The following TEC variants were observed in gnomAD, a reference collection of about 807,000 sequenced individuals.
TEC encodes tec protein tyrosine kinase.
A neutral mutation model predicts 93.0 loss-of-function variants in TEC; 72 were observed. The observed-to-expected ratio is 0.77, with a 90% CI of 0.64 to 0.94. The LOEUF (loss-of-function observed/expected upper bound fraction) is 0.94, where lower values mean the gene tolerates loss of function less well. Ranked by LOEUF, TEC falls within the 40% of genes least tolerant of loss-of-function variation. The pLI, the probability that TEC is intolerant of heterozygous loss-of-function variation, is 0.00. For missense variants in TEC, 630 were observed against 757.9 expected, an observed-to-expected ratio of 0.83 and a Z score of 1.98; for synonymous variants, 249 against 247.7, an observed-to-expected ratio of 1.01 and a Z score of -0.05.
chr4:48,176,234 AAATT>A (rs759023055), intron 2 of TEC, 48 bp from the exon 3 acceptor site: 65 of 1,418,750 alleles, frequency 4.6e-5, no homozygotes, highest in Non-Finnish European at 5.6e-5. Context: ...AGACATAAAA[AAATT>A]AACAGTAATA....
intron 2 of TEC, among the ~76,000 whole-genome samples, chr4:48,177,949 C>T (rs1721400518): frequency 6.6e-6 from 1 of 152,174 alleles, no homozygotes; most frequent in Non-Finnish European, 1.5e-5. Context: ...CCTGAGGCCT[C>T]CCGAGTCATT....
At chr4:48,208,503 C>T (rs969910040) in intron 2 of TEC, among the ~76,000 whole-genome samples, 3 of 152,082 alleles carry the variant, frequency 2.0e-5, no homozygotes, top group Non-Finnish European at 2.9e-5. Flanking sequence ...TGGCCTCCTC[C>T]CCTCCCATGC....
At chr4:48,209,487 G>A (rs192902447) in intron 2 of TEC, among the ~76,000 whole-genome samples, 3 of 151,638 alleles carry the variant, frequency 2.0e-5, no homozygotes, top group East Asian at 3.9e-4. Context: ...GGTAGCAAAC[G>A]CCTGTATCCC....
At chr4:48,184,515 T>G (rs532392791) in intron 2 of TEC, among the ~76,000 whole-genome samples, 8 of 152,324 alleles carry the variant, frequency 5.3e-5, no homozygotes, top group Admixed American at 4.6e-4. Context: ...GCCATCCACA[T>G]GCTTATATTA....
At chr4:48,164,620 C>T (rs536056498) in intron 7 of TEC, among the ~76,000 whole-genome samples, 4 of 152,230 alleles carry the variant, frequency 2.6e-5, no homozygotes, top group East Asian at 1.9e-4. Flanking sequence ...CCAGAAGGAA[C>T]GGCAATCCAG....
At chr4:48,244,842 A>C (rs1724012061) in intron 1 of TEC, among the ~76,000 whole-genome samples, 1 of 152,206 alleles carries the variant, frequency 6.6e-6, no homozygotes, top group Non-Finnish European at 1.5e-5. Flanking sequence ...TATCTAAGCC[A>C]TTAGACAGCT....
At chr4:48,161,043 A>G (rs988391496) in intron 8 of TEC, among the ~76,000 whole-genome samples, 1 of 152,076 alleles carries the variant, frequency 6.6e-6, no homozygotes, top group African/African-American at 2.4e-5. Context: ...CCTAATGTGA[A>G]TTAGTTTTTC....
chr4:48,207,623 A>C (rs1178397920), intron 2 of TEC, among the ~76,000 whole-genome samples: 1 of 148,532 alleles, frequency 6.7e-6, no homozygotes, highest in Non-Finnish European at 1.5e-5. Context: ...CTCTACAAAA[A>C]AAAAAAAAAA....
chr4:48,223,277 T>C (rs1206252651), intron 2 of TEC, among the ~76,000 whole-genome samples: 1 of 152,164 alleles, frequency 6.6e-6, no homozygotes, highest in Non-Finnish European at 1.5e-5. Flanking sequence ...TTTAAAGAAG[T>C]TATAACTGAA....
intron 2 of TEC, among the ~76,000 whole-genome samples, chr4:48,184,770 T>TACACACACAC (rs58704241): frequency 0.01 from 1,420 of 141,016 alleles, 7 homozygotes; most frequent in Middle Eastern, 0.018. Context: ...ACAAAAAAAA[T>TACACACACAC]ACACACACAC....
chr4:48,186,002 C>T (rs1721822371), intron 2 of TEC, among the ~76,000 whole-genome samples: 1 of 152,178 alleles, frequency 6.6e-6, no homozygotes, highest in African/African-American at 2.4e-5. Flanking sequence ...GGATTGCAGG[C>T]GCGCGCCGCC....
rs1191684161 is a variant in TEC at position 48,192,143 on chromosome 4, T to C, written c.139-15957A>G. 2.0e-5 allele frequency among the ~76,000 whole-genome samples: 3 copies of C among 152,308 alleles called. No homozygotes were observed. The East Asian group carries it at 5.8e-4, about 29-fold the overall frequency. On this transcript the variant is annotated intron_variant, in intron 2 of 17. Coordinates refer to ENST00000381501, the MANE Select transcript of TEC (RefSeq NM_003215.3). ...TCAACAGGGGAAACAAATTGTGGTA[T>C]AGCCATACAATGGAGTACTTCACAG...
chr4:48,142,123 G>A (rs750561041), intron 14 of TEC, among the ~76,000 whole-genome samples: 11 of 152,250 alleles, frequency 7.2e-5, no homozygotes, highest in Middle Eastern at 3.4e-3. Context: ...TCAAAATGAT[G>A]GGCGACCAAT....
chr4:48,184,770 TAC>T (rs58704241), intron 2 of TEC, among the ~76,000 whole-genome samples: 23,184 of 140,760 alleles, frequency 0.16, 1,968 homozygotes, highest in East Asian at 0.34. Context: ...ACAAAAAAAA[TAC>T]ACACACACAC....
chr4:48,224,470 G>A (rs1196447886), intron 2 of TEC, among the ~76,000 whole-genome samples: 3 of 152,058 alleles, frequency 2.0e-5, no homozygotes, highest in African/African-American at 7.2e-5. Flanking sequence ...TGAAACATTG[G>A]GTGGTCTGTC....
chr4:48,140,349 TCC>T (rs1334322149), intron 15 of TEC, among the ~76,000 whole-genome samples: 2 of 152,216 alleles, frequency 1.3e-5, no homozygotes, highest in Non-Finnish European at 2.9e-5. Context: ...AAATAGTTTA[TCC>T]TTTTATTTTC....
intron 2 of TEC, among the ~76,000 whole-genome samples, chr4:48,187,628 A>G (rs913518777): frequency 2.0e-5 from 3 of 152,072 alleles, no homozygotes; most frequent in African/African-American, 4.8e-5. Context: ...CCTCCTGGCA[A>G]CCCTCTTCAC....
Position 48,228,561 on chromosome 4 carries a change from T to A in TEC, c.54A>T (p.Lys18Asn), listed in dbSNP as rs776737918. Reference protein sequence around the residue: ...EEILIKRSQQKKKTSPLNYKE... With the variant: ...EEILIKRSQQNKKTSPLNYKE... Reference sequence around the variant, plus strand: ...TGTAGTTTAAGGGCGATGTCTTCTTTTTCTGCTGTGACCTTTTAATAAGAA... The same window carrying A: ...TGTAGTTTAAGGGCGATGTCTTCTTATTCTGCTGTGACCTTTTAATAAGAA... The change falls in exon 2 of 18, where the codon AAA (lysine) becomes AAT (asparagine). Residue 18 changes from lysine to asparagine, a missense_variant. Coordinates refer to ENST00000381501, the MANE Select transcript of TEC (RefSeq NM_003215.3). 1 of 1,614,006 alleles carries A rather than the reference T, an allele frequency of 6.2e-7. No individual in the cohort carries two copies. Among genetic ancestry groups the A allele is most frequent in the East Asian group, 2.2e-5 (1 of 44,866 alleles).
At chr4:48,176,525 A>AGC (rs1263414733) in intron 2 of TEC, among the ~76,000 whole-genome samples, 3 of 152,142 alleles carry the variant, frequency 2.0e-5, no homozygotes, top group Non-Finnish European at 1.5e-5. Flanking sequence ...GTTCGAGACC[A>AGC]GCCTGGCCAA....
Sources: allele counts gnomAD v4.1 joint callset (sites outside exome capture counted in the v4.1 genomes callset), GRCh38; gene constraint gnomAD v4.1.1; transcripts MANE v1.5; gene names NCBI Gene and HGNC (gene_info 2026-07-23, HGNC 2026-07-21).